Variants in SNAPC4 observed in about 807,000 individuals in gnomAD.
SNAPC4 encodes the protein small nuclear RNA activating complex polypeptide 4.
A neutral mutation model predicts 151.3 loss-of-function variants in SNAPC4; 127 were observed. That is an observed-to-expected ratio of 0.84 (90% CI 0.73 to 0.97). SNAPC4 has a LOEUF of 0.97. Ranked by LOEUF, SNAPC4 falls within the 50% of genes least tolerant of loss-of-function variation. SNAPC4 has a pLI of 0.00. For missense variants in SNAPC4, 2,186 were observed against 1,935.0 expected, an observed-to-expected ratio of 1.13 and a Z score of -2.43; for synonymous variants, 1,002 against 824.4, an observed-to-expected ratio of 1.22 and a Z score of -3.69.
chr9:136,385,224 A>G (rs1408227616), intron 13 of SNAPC4, among the ~76,000 whole-genome samples: 10 of 152,218 alleles, frequency 6.6e-5, no homozygotes, highest in Admixed American at 6.5e-4. Context: ...AGCGCACGTC[A>G]AAACCACAAG....
intron 22 of SNAPC4, among the ~76,000 whole-genome samples, chr9:136,376,941 G>A (rs2131459959): frequency 6.6e-6 from 1 of 152,322 alleles, no homozygotes; most frequent in Admixed American, 6.5e-5. Context: ...GCCTGCTTCT[G>A]GTGGTTTCTC....
intron 10 of SNAPC4, among the ~76,000 whole-genome samples, chr9:136,390,212 C>T (rs113662043): frequency 5.8e-4 from 89 of 152,208 alleles, no homozygotes; most frequent in African/African-American, 2.1e-3. Context: ...CCCAGCTGCA[C>T]GCTGCTTTCA....
Position 136,395,321 on chromosome 9 carries a change from A to T in SNAPC4, c.448T>A (p.Phe150Ile), listed in dbSNP as rs1349379544. 1 of 1,613,568 alleles carries T rather than the reference A, an allele frequency of 6.2e-7. No individual in the cohort carries two copies. Among genetic ancestry groups the T allele is most frequent in the South Asian group, 1.1e-5 (1 of 91,064 alleles). Residue 150 changes from phenylalanine to isoleucine, a missense_variant, in exon 5 of 24, where the codon TTC (phenylalanine) becomes ATC (isoleucine). Phe to Ile is a conservative substitution (Grantham distance 21). Transcript: ENST00000684778. ...ACCACGCCCGTGACCTTGTCCTTGA[A>T]ATACGGCTTCATGAAGTGCCCCATG... is the stretch of plus-strand genomic sequence containing the variant. The part of the protein sequence containing the change: ...TYMGHFMKPY[F>I]KDKVTGVGPP...
Position 136,380,740 on chromosome 9 carries a change from C to A in SNAPC4, c.2499G>T (p.Gln833His). The part of the protein sequence containing the change: ...GARDPPVHLL[Q>H]ASSSAQSTPG... ...ACTTCTCACCCCAAGTGCCTGCTAC[C>A]TGCAGAAGATGAACTGGTGGGTCCC... Residue 833 changes from glutamine (Q) to histidine (H), a missense_variant and splice_region_variant, in exon 20 of 24, where the codon CAG (glutamine) becomes CAT (histidine). By Grantham distance (24) the Gln-to-His change is conservative (BLOSUM62 0). Coordinates refer to ENST00000684778, the MANE Select transcript of SNAPC4 (RefSeq NM_003086.4). The A allele has an allele frequency of 6.4e-7, 1 of 1,564,496 alleles. No individual in the cohort carries two copies. The highest frequency in any genetic ancestry group is 8.8e-7 in the Non-Finnish European group (1 of 1,136,082).
chr9:136,384,940 ATAAAG>A, intron 13 of SNAPC4, 126 bp from the exon 14 acceptor site: 1 of 547,258 alleles, frequency 1.8e-6, no homozygotes. Context: ...AAAACTACAG[ATAAAG>A]TAGACTTCAT....
chr9:136,397,068 G>A, intron 2 of SNAPC4, 45 bp from the exon 3 acceptor site: 2 of 1,556,992 alleles, frequency 1.3e-6, no homozygotes, highest in Non-Finnish European at 1.8e-6. Flanking sequence ...CAGCGTCTTG[G>A]GCAGGGTGGG....
intron 10 of SNAPC4, 73 bp from the exon 11 acceptor site, chr9:136,388,664 C>G: frequency 6.3e-7 from 1 of 1,584,002 alleles, no homozygotes; most frequent in East Asian, 2.2e-5. Context: ...CTGAGTGCCC[C>G]AGGGCACAGG....
Position 136,383,499 on chromosome 9 carries a change from C to G in SNAPC4, c.1670G>C (p.Arg557Thr). 6.3e-6 allele frequency: 10 copies of G among 1,575,392 alleles called. No homozygotes were observed. Among genetic ancestry groups the G allele is most frequent in the Non-Finnish European group, 8.6e-6 (10 of 1,160,902 alleles). ...PEQAQAGEGD[R>T]ALLSPQYMVP... The stretch of plus-strand genomic sequence containing the variant: ...CATGTACTGTGGGGACAGCAGCGCT[C>G]TGTCACCCTCCCCGGCCTGCGCCTG... Residue 557 changes from arginine (R) to threonine (T), a missense_variant, in exon 16 of 24, where the codon AGA becomes ACA. Physicochemically the swap from Arg to Thr is moderately conservative, Grantham distance 71. Coordinates refer to ENST00000684778, the MANE Select transcript of SNAPC4 (RefSeq NM_003086.4). This position sits in a 1 kb window ranked among gnomAD's most constrained non-coding sequence, Gnocchi z 4.2.
rs1339709665 is a variant in SNAPC4, at chr9:136,391,975, G to C, written c.942C>G (p.His314Gln). Residue 314 changes from histidine (H) to glutamine (Q), a missense_variant, in exon 10 of 24, where the codon CAC becomes CAG. By Grantham distance (24) the His-to-Gln change is conservative. Coordinates refer to ENST00000684778, the MANE Select transcript of SNAPC4 (RefSeq NM_003086.4). ...CCTCTGCAATCTTCTGCCACTCCAG[G>C]TGGCCGTGTGCAGCCGCGATCGCCT... ...RLQAIAAAHG[H>Q]LEWQKIAEEL... The C allele has an allele frequency of 6.2e-7, 1 of 1,606,858 alleles. No individual in the cohort carries two copies. Among genetic ancestry groups the C allele is most frequent in the Non-Finnish European group, 8.5e-7 (1 of 1,179,976 alleles).
rs778787591 is a variant in SNAPC4 at position 136,383,555 on chromosome 9, G to A, written c.1614C>T (p.Ser538=). The change falls in exon 16 of 24, where the codon AGC becomes AGT. Residue 538 remains serine, a synonymous_variant. Coordinates refer to ENST00000684778, the MANE Select transcript of SNAPC4 (RefSeq NM_003086.4). The surrounding 1 kb of genome is among the most constrained non-coding windows in gnomAD (Gnocchi z 4.2). The part of the protein sequence containing the change: ...SGSSGGSSSS[S]SSSSEEDEPE... Reference sequence around the variant, plus strand: ...GCTCGTCCTCCTCGCTGCTGCTGCTGCTGCTGCTGCTGCTCCCTCCACTGC... The same window carrying A: ...GCTCGTCCTCCTCGCTGCTGCTGCTACTGCTGCTGCTGCTCCCTCCACTGC... 5 of 1,605,564 alleles carry A rather than the reference G, an allele frequency of 3.1e-6. No homozygotes were observed. The South Asian group carries it at 4.4e-5, about 14-fold the overall frequency.
At chr9:136,398,230 G>A (rs1588771136) in intron 2 of SNAPC4, 69 bp downstream of exon 2, 1 of 1,530,280 alleles carries the variant, frequency 6.5e-7, no homozygotes, top group East Asian at 2.3e-5. Context: ...TAATGTGCCT[G>A]AGAGGAACCC....
At chr9:136,395,233 TG>T in intron 5 of SNAPC4, 64 bp downstream of exon 5, 1 of 1,561,242 alleles carries the variant, frequency 6.4e-7, no homozygotes. Context: ...CAGCAGGACT[TG>T]GGGACAAGAA....
Position 136,378,926 on chromosome 9 carries a change from G to A in SNAPC4, c.2901C>T (p.Gly967=), listed in dbSNP as rs1371009176. The A allele has an allele frequency of 1.2e-6, 2 of 1,610,640 alleles. No individual in the cohort carries two copies. The highest frequency in any genetic ancestry group is 1.7e-6 in the Non-Finnish European group (2 of 1,179,378). The change falls in exon 22 of 24, where the codon GGC becomes GGT. Residue 967 remains glycine, a synonymous_variant. Coordinates refer to ENST00000684778, the MANE Select transcript of SNAPC4 (RefSeq NM_003086.4). ...APAAAKPGTS[G]SWQEAGTSAK... ...CTGAAGTCCCAGCCTCCTGCCAGGA[G>A]CCAGAAGTGCCAGGTTTGGCTGCCG...
At position 136,388,505 on chromosome 9, in the gene SNAPC4, G is replaced by A. The variant is rs1833965922; in HGVS notation, c.1062C>T (p.Asp354=). 7 of 1,613,952 alleles carry A rather than the reference G, an allele frequency of 4.3e-6. 1 individual carries two copies. Among genetic ancestry groups the A allele is most frequent in the South Asian group, 3.3e-5 (3 of 91,052 alleles). The part of the protein sequence containing the change: ...LKRKEWTEEE[D]RMLTQLVQEM... ...CCTGCACCAGCTGCGTGAGCATGCG[G>A]TCCTCCTCCTCTGTCCACTCCTTGC... Residue 354 remains aspartate (D), a synonymous_variant, in exon 11 of 24, where the codon GAC becomes GAT. Transcript: ENST00000684778.
intron 20 of SNAPC4, 92 bp downstream of exon 20, chr9:136,380,648 G>C (rs1441549013): frequency 2.8e-6 from 2 of 702,076 alleles, no homozygotes; most frequent in East Asian, 2.6e-5. Flanking sequence ...GCGGTGGAGC[G>C]GGTGGGGCGG....
rs763322799 is a variant in SNAPC4 at position 136,378,251 on chromosome 9, G to A, written c.3576C>T (p.His1192=). 6.9e-5 allele frequency: 111 copies of A among 1,608,680 alleles called. No homozygotes were observed. The highest frequency in any genetic ancestry group is 2.9e-4 in the East Asian group (13 of 44,724). The change falls in exon 22 of 24, where the codon CAC becomes CAT. Residue 1192 remains histidine (H), a synonymous_variant. Transcript: ENST00000684778. ...REIPEPRTSS[H]ADPPEAEPPW... ...GGGGTTCTGCTTCAGGAGGGTCAGC[G>A]TGGGAGGACGTCCTGGGCTCAGGTA... is the stretch of plus-strand genomic sequence containing the variant.
At chr9:136,393,627 T>C (rs1012565861) in intron 7 of SNAPC4, among the ~76,000 whole-genome samples, 2 of 151,576 alleles carry the variant, frequency 1.3e-5, no homozygotes, top group Admixed American at 6.5e-5. Context: ...CCCCTCATCA[T>C]GGCCGTGTGG....
rs918054924 is a variant in SNAPC4 at position 136,380,797 on chromosome 9, G to A, written c.2442C>T (p.Ala814=). 4 of 1,612,292 alleles carry A rather than the reference G, an allele frequency of 2.5e-6. No homozygotes were observed. Among genetic ancestry groups the A allele is most frequent in the Non-Finnish European group, 3.4e-6 (4 of 1,179,452 alleles). ...GCLEVVRERK[A]LPPRLPQAGA... Reference sequence around the variant, plus strand: ...CAGCCTGGGGCAGCCTGGGTGGCAGGGCCTTCCTCTCTCGGACGACCTCCA... The same window carrying A: ...CAGCCTGGGGCAGCCTGGGTGGCAGAGCCTTCCTCTCTCGGACGACCTCCA... Residue 814 remains alanine, a synonymous_variant, in exon 20 of 24, where the codon GCC becomes GCT. Transcript: ENST00000684778.
In SNAPC4 at chr9:136,376,333, C is replaced by T. The variant is rs759388351; in HGVS notation, c.*7+16G>A. On this transcript the variant is annotated intron_variant, in intron 23 of 23. Transcript: ENST00000684778. ...CCCTGGGTTGTAGGGCAGTGGCCTCCCCACTCAGGACTCACCTGCTGCTCA... is the reference window on the plus strand; with the variant it reads ...CCCTGGGTTGTAGGGCAGTGGCCTCTCCACTCAGGACTCACCTGCTGCTCA... 2 of 1,612,292 alleles carry T rather than the reference C, an allele frequency of 1.2e-6. No homozygotes were observed. The highest frequency in any genetic ancestry group is 1.7e-5 in the Admixed American group (1 of 60,012).
Sources: allele counts gnomAD v4.1 joint callset (sites outside exome capture counted in the v4.1 genomes callset), GRCh38; gene constraint gnomAD v4.1.1; non-coding constraint Gnocchi (gnomAD v3.1); transcripts MANE v1.5; gene names NCBI Gene and HGNC (gene_info 2026-07-23, HGNC 2026-07-21).